Variants in PRKN observed in about 807,000 individuals in gnomAD.
The protein encoded by PRKN is parkin RBR E3 ubiquitin protein ligase.
Under a neutral mutation model 59.5 loss-of-function variants are expected in PRKN, and 56 were observed. That is an observed-to-expected ratio of 0.94 (90% CI 0.76 to 1.18). The LOEUF is 1.18. PRKN is among the 50% of genes most tolerant of loss of function. The probability of loss-of-function intolerance (pLI) is 0.00; values close to 1 mark genes in which losing one functional copy is unlikely to be tolerated. For missense variants in PRKN, 657 were observed against 596.4 expected (o/e 1.10, Z -1.06); for synonymous variants, 250 against 222.1 (o/e 1.13, Z -1.12).
In PRKN at chr6:161,538,797, T is replaced by C. The variant is rs1402902846; in HGVS notation, c.1083+10057A>G. The stretch of plus-strand genomic sequence containing the variant: ...CCCAGGAGCTTGTAGAGAGATTTGA[T>C]TGAATAACTGATCGACTTAGCCTTT... On this transcript the variant is annotated intron_variant, in intron 9 of 11. Transcript: ENST00000366898. This position sits in a 1 kb window ranked among gnomAD's most constrained non-coding sequence, Gnocchi z 4.2. 6.6e-6 allele frequency among the ~76,000 whole-genome samples: 1 copy of C among 152,198 alleles called. No homozygotes were observed. The highest frequency in any genetic ancestry group is 1.9e-4 in the East Asian group (1 of 5,202).
chr6:161,922,462 TAAGGG>T (rs1778821156), intron 6 of PRKN, among the ~76,000 whole-genome samples: 1 of 151,646 alleles, frequency 6.6e-6, no homozygotes, highest in Admixed American at 6.6e-5. Context: ...AGAAATCTGT[TAAGGG>T]AAGGGGGAAA....
chr6:162,677,803 G>A (rs1779611947), intron 1 of PRKN, among the ~76,000 whole-genome samples: 1 of 152,250 alleles, frequency 6.6e-6, no homozygotes, highest in Admixed American at 6.5e-5. Context: ...TTTTTTGAAA[G>A]CTCTATTGAG....
Position 162,154,159 on chromosome 6 carries a change from C to T in PRKN, c.534+46972G>A, listed in dbSNP as rs150707481. On this transcript the variant is annotated intron_variant, in intron 4 of 11. Coordinates refer to ENST00000366898, the MANE Select transcript of PRKN (RefSeq NM_004562.3). ...CGAGGAACTAGCCTCTCTCCCACCA[C>T]ACTCTGAAAAACAGTGGTCAAAGCC... Among the ~76,000 whole-genome samples the T allele has an allele frequency of 1.8e-3, 281 of 152,250 alleles. 3 individuals are homozygous for T. Among genetic ancestry groups the T allele is most frequent in the African/African-American group, 6.2e-3 (257 of 41,546 alleles).
rs1005211800 is a variant in PRKN at position 161,350,596 on chromosome 6, T to A, written c.1286-385A>T. On this transcript the variant is annotated intron_variant, in intron 11 of 11. Coordinates refer to ENST00000366898, the MANE Select transcript of PRKN (RefSeq NM_004562.3). ...TATTTAAAATATATAAATATATTTT[T>A]ATATATTTATATTTAAAATATATAT... Among the ~76,000 whole-genome samples, 4 of 131,756 alleles carry A rather than the reference T, an allele frequency of 3.0e-5. No individual in the cohort carries two copies. In the South Asian group the frequency reaches 6.8e-4, roughly 22 times the overall value. 86.4% of individuals were successfully genotyped at this position (131,756 alleles called of 152,430 possible).
At chr6:162,433,362 T>C (rs939895034) in intron 2 of PRKN, among the ~76,000 whole-genome samples, 5 of 152,176 alleles carry the variant, frequency 3.3e-5, no homozygotes, top group African/African-American at 4.8e-5. Flanking sequence ...CTACTGTACT[T>C]CATTATAACA....
chr6:161,757,923 C>T (rs755398229), intron 7 of PRKN, among the ~76,000 whole-genome samples: 61 of 131,468 alleles, frequency 4.6e-4, no homozygotes, highest in Non-Finnish European at 8.4e-4. Flanking sequence ...ACACACACAT[C>T]TCTCTCTCTG....
intron 1 of PRKN, among the ~76,000 whole-genome samples, chr6:162,542,706 C>T (rs939191002): frequency 7.9e-5 from 12 of 152,224 alleles, no homozygotes; most frequent in African/African-American, 2.6e-4. Context: ...AAAATAAGTG[C>T]AATGCATGGG....
intron 7 of PRKN, among the ~76,000 whole-genome samples, chr6:161,681,950 T>C (rs1259917796): frequency 2.6e-5 from 4 of 152,260 alleles, no homozygotes; most frequent in Non-Finnish European, 5.9e-5. Context: ...GACCGCCTCC[T>C]GGGTTCTGTG....
At chr6:162,700,431 G>GT (rs1353304937) in intron 1 of PRKN, among the ~76,000 whole-genome samples, 1 of 152,114 alleles carries the variant, frequency 6.6e-6, no homozygotes, top group Non-Finnish European at 1.5e-5. Flanking sequence ...TATGATACAG[G>GT]TGAAGTAGCG....
In PRKN at chr6:162,166,031, G is replaced by A. The variant is rs952038345; in HGVS notation, c.534+35100C>T. On this transcript the variant is annotated intron_variant, in intron 4 of 11. Coordinates refer to ENST00000366898, the MANE Select transcript of PRKN (RefSeq NM_004562.3). ...CCACTGCACTCCAGCCTGGGCAACA[G>A]AGCGAGACTCTATCTCAAAAAAAAA... 5.2e-5 allele frequency among the ~76,000 whole-genome samples: 6 copies of A among 114,350 alleles called. No homozygotes were observed. In the East Asian group the frequency reaches 1.5e-3, roughly 29 times the overall value. The allele number at this position is 114,350 out of a possible 152,430, so 75.0% of individuals were successfully genotyped here.
intron 6 of PRKN, among the ~76,000 whole-genome samples, chr6:161,892,557 G>A (rs1777447291): frequency 6.6e-6 from 1 of 151,946 alleles, no homozygotes; most frequent in South Asian, 2.1e-4. Context: ...GGTCTTACAG[G>A]CTTGAATAAT....
chr6:162,222,802 C>T (rs138420148), intron 3 of PRKN, among the ~76,000 whole-genome samples: 8 of 152,108 alleles, frequency 5.3e-5, no homozygotes, highest in African/African-American at 1.7e-4. Context: ...ATGACTAATA[C>T]GTGTGGCTGG....
At chr6:162,461,836 A>G (rs79428375) in intron 1 of PRKN, among the ~76,000 whole-genome samples, 15 of 151,144 alleles carry the variant, frequency 9.9e-5, no homozygotes, top group East Asian at 2.0e-4. Flanking sequence ...AAAAAAAAAA[A>G]AGAGACAATG....
At chr6:162,660,995 C>G (rs1778853330) in intron 1 of PRKN, among the ~76,000 whole-genome samples, 1 of 152,084 alleles carries the variant, frequency 6.6e-6, no homozygotes, top group Admixed American at 6.6e-5. Flanking sequence ...GGTACGGTGC[C>G]TCACATCTGT....
At chr6:162,127,801 T>A (rs1004876794) in intron 4 of PRKN, among the ~76,000 whole-genome samples, 1 of 152,216 alleles carries the variant, frequency 6.6e-6, no homozygotes, top group Non-Finnish European at 1.5e-5. Context: ...AATCCCATAA[T>A]CCTTGAGAGG....
At chr6:162,216,346 A>C (rs979120067) in intron 3 of PRKN, among the ~76,000 whole-genome samples, 1 of 151,180 alleles carries the variant, frequency 6.6e-6, no homozygotes, top group Non-Finnish European at 1.5e-5. Context: ...CTGGCTAACA[A>C]GGTGAAACCC....
intron 1 of PRKN, among the ~76,000 whole-genome samples, chr6:162,713,338 C>A (rs1460961593): frequency 1.3e-5 from 2 of 151,808 alleles, no homozygotes; most frequent in African/African-American, 4.8e-5. Context: ...ATTAAAAATA[C>A]AAAAAATTAG....
chr6:162,104,570 C>T (rs940096296), intron 4 of PRKN, among the ~76,000 whole-genome samples: 2 of 152,046 alleles, frequency 1.3e-5, no homozygotes, highest in Admixed American at 6.6e-5. Flanking sequence ...CAGACTCTGA[C>T]GTGCAAGTGG....
intron 1 of PRKN, among the ~76,000 whole-genome samples, chr6:162,547,931 A>T (rs1398830213): frequency 6.6e-6 from 1 of 151,972 alleles, no homozygotes; most frequent in Non-Finnish European, 1.5e-5. Flanking sequence ...CTTGAACCTC[A>T]CATCCACTGG....
Sources: gnomAD v4.1 joint callset for allele counts (sites outside exome capture counted in the v4.1 genomes callset) on GRCh38, gnomAD v4.1.1 for gene constraint, Gnocchi (gnomAD v3.1) non-coding constraint, MANE v1.5 for transcripts, NCBI Gene and HGNC (gene_info 2026-07-23, HGNC 2026-07-21) for gene names.